SPNS1: variants seen among roughly 807,000 people sequenced by gnomAD.
The protein encoded by SPNS1 is SPNS lysolipid transporter 1, lysophospholipid.
SPNS1 carries 22 observed loss-of-function variants against 50.3 expected under a neutral mutation model. The observed-to-expected ratio is 0.44, with a 90% CI of 0.31 to 0.62. The LOEUF is 0.62. SPNS1 is among the 20% of genes least tolerant of loss of function. The probability of loss-of-function intolerance (pLI) is 0.07; values close to 1 mark genes in which losing one functional copy is unlikely to be tolerated. For missense variants in SPNS1, 576 were observed against 728.6 expected, an observed-to-expected ratio of 0.79 and a Z score of 2.41; for synonymous variants, 295 against 317.4, an observed-to-expected ratio of 0.93 and a Z score of 0.75.
intron 11 of SPNS1, 27 bp from the exon 12 acceptor site, chr16:28,984,178 A>T (rs761079956): frequency 1.3e-6 from 2 of 1,535,554 alleles, no homozygotes; most frequent in Non-Finnish European, 1.8e-6. Context: ...CATCCAGCTC[A>T]CCCTGGCTCT....
chr16:28,982,356 T>C lies in SPNS1; in HGVS notation c.966T>C (p.Ser322=). ...CCCCATTCCCTTCCCTCACCCCTAG[T>C]CTCATCTTTGGACTCATCACCTGCC... The part of the protein sequence containing the change: ...LPGDSCSSSD[S]LIFGLITCLT... The change falls in exon 8 of 12, where the codon AGT becomes AGC. Residue 322 remains serine (S), a splice_region_variant and synonymous_variant. Transcript: ENST00000311008. The C allele has an allele frequency of 6.3e-7, 1 of 1,578,820 alleles. No individual in the cohort carries two copies.
intron 8 of SPNS1, 39 bp from the exon 9 acceptor site, chr16:28,982,818 C>T (rs1439274545): frequency 6.2e-7 from 1 of 1,606,328 alleles, no homozygotes; most frequent in Non-Finnish European, 8.5e-7. Context: ...CATGTGTTAG[C>T]CCTTACTGTC....
At chr16:28,976,684 C>T (rs1402104956) in intron 2 of SPNS1, among the ~76,000 whole-genome samples, 1 of 152,138 alleles carries the variant, frequency 6.6e-6, no homozygotes, top group Non-Finnish European at 1.5e-5. Context: ...TTGCAGTGTT[C>T]TTTTCTCTAC....
Position 28,983,649 on chromosome 16 carries a change from G to A in SPNS1, c.1321-137G>A. The A allele has an allele frequency of 9.7e-7, 1 of 1,033,402 alleles. No individual in the cohort carries two copies. Among genetic ancestry groups the A allele is most frequent in the Non-Finnish European group, 1.4e-6 (1 of 718,486 alleles). 64.0% of individuals were successfully genotyped at this position (1,033,402 alleles called of 1,614,324 possible). A position where few individuals can be genotyped will look rare whatever the true frequency, so the allele number is the denominator to read the frequency against. The stretch of plus-strand genomic sequence containing the variant: ...CCTGAGTAGCTGGGATGATAGGCAT[G>A]AGCCACTGCATCTAGCTCAAACCTC... On this transcript the variant is annotated intron_variant, in intron 10 of 11. Transcript: ENST00000311008. This position sits in a 1 kb window ranked among gnomAD's most constrained non-coding sequence, Gnocchi z 5.4.
At chr16:28,976,952 A>G (rs1414059433) in intron 2 of SPNS1, among the ~76,000 whole-genome samples, 1 of 152,234 alleles carries the variant, frequency 6.6e-6, no homozygotes, top group Non-Finnish European at 1.5e-5. Context: ...ATAGTACGCT[A>G]TGCATGAGGC....
chr16:28,984,439 G>C lies in SPNS1; in HGVS notation c.*140G>C, dbSNP rs1469965591. 3 of 828,594 alleles carry C rather than the reference G, an allele frequency of 3.6e-6. No individual in the cohort carries two copies. In the Admixed American group the frequency reaches 6.0e-5, roughly 17 times the overall value. 51.3% of individuals were successfully genotyped at this position (828,594 alleles called of 1,614,324 possible). A position where few individuals can be genotyped will look rare whatever the true frequency, so the allele number is the denominator to read the frequency against. On this transcript the variant is annotated 3_prime_UTR_variant, in exon 12 of 12. Transcript: ENST00000311008. ...TGTGCCAGCTCCCAGACACTACCTG[G>C]GTAGCTCAGGGGAGGAGGTGGGGGT...
At chr16:28,979,110 T>G in intron 3 of SPNS1, 45 bp from the exon 4 acceptor site, 1 of 1,594,094 alleles carries the variant, frequency 6.3e-7, no homozygotes, top group South Asian at 1.1e-5. Flanking sequence ...GCCCGGAGGC[T>G]GGTTGCAGGC....
intron 1 of SPNS1, 42 bp downstream of exon 1, chr16:28,975,434 G>C: frequency 6.2e-7 from 1 of 1,614,250 alleles, no homozygotes. Flanking sequence ...TAGGAGAGGG[G>C]AGCCAGGGTC....
intron 3 of SPNS1, chr16:28,978,859 G>T: frequency 2.9e-6 from 1 of 346,800 alleles, no homozygotes; most frequent in Non-Finnish European, 5.2e-6. Flanking sequence ...CCCCTACCAG[G>T]CAAGCAGGGG....
chr16:28,979,362 C>G, intron 4 of SPNS1, 43 bp from the exon 5 acceptor site: 1 of 1,613,798 alleles, frequency 6.2e-7, no homozygotes, highest in Non-Finnish European at 8.5e-7. Flanking sequence ...GGGGACTGGA[C>G]TGACTGGCTG....
In SPNS1 at chr16:28,984,316, T is replaced by C. The variant is rs765914772; in HGVS notation, c.*17T>C. 10 of 1,608,904 alleles carry C rather than the reference T, an allele frequency of 6.2e-6. No homozygotes were observed. Among genetic ancestry groups the C allele is most frequent in the Non-Finnish European group, 6.8e-6 (8 of 1,178,646 alleles). ...CTCATCTGAGAGGCTGCCGCTCACC[T>C]ACCTGCACATCTGCCACAGCTGGCC... On this transcript the variant is annotated 3_prime_UTR_variant, in exon 12 of 12. Coordinates refer to ENST00000311008, the MANE Select transcript of SPNS1 (RefSeq NM_032038.3).
At position 28,983,768 on chromosome 16, in the gene SPNS1, T is replaced by C. The variant is rs747058489; in HGVS notation, c.1321-18T>C. On this transcript the variant is annotated intron_variant, in intron 10 of 11. Coordinates refer to ENST00000311008, the MANE Select transcript of SPNS1 (RefSeq NM_032038.3). The surrounding 1 kb of genome is among the most constrained non-coding windows in gnomAD (Gnocchi z 5.4). Reference sequence around the variant, plus strand: ...ATGAGGCTGACTCCCCTGGCTTTCCTGTCTCCTCTCCCTGCAGATCTCTGA... The same window carrying C: ...ATGAGGCTGACTCCCCTGGCTTTCCCGTCTCCTCTCCCTGCAGATCTCTGA... 2 of 1,561,268 alleles carry C rather than the reference T, an allele frequency of 1.3e-6. No homozygotes were observed. The highest frequency in any genetic ancestry group is 4.5e-5 in the East Asian group (2 of 44,112).
chr16:28,984,197 C>A lies in SPNS1; in HGVS notation c.1493-8C>A. On this transcript the variant is annotated splice_polypyrimidine_tract_variant and splice_region_variant and intron_variant, in intron 11 of 11. Transcript: ENST00000311008. ...CAGCTCACCCTGGCTCTGACCCTCC[C>A]CCCTCAGGCCTGCTGCACGAAGCAG... 2.6e-6 allele frequency: 4 copies of A among 1,554,848 alleles called. No homozygotes were observed. The South Asian group carries it at 3.6e-5, about 14-fold the overall frequency.
In SPNS1 at chr16:28,979,087, G is replaced by A; in HGVS notation, c.445-68G>A. The A allele has an allele frequency of 7.0e-6, 11 of 1,567,012 alleles. No homozygotes were observed. In the South Asian group the frequency reaches 1.3e-4, roughly 19 times the overall value. The stretch of plus-strand genomic sequence containing the variant: ...CCATCCCTGCTGCCTCTTGGGAGCG[G>A]GCTGGTGAGGTAGCCCGGAGGCTGG... On this transcript the variant is annotated intron_variant, in intron 3 of 11. Transcript: ENST00000311008.
At chr16:28,984,628 T>C, downstream of SPNS1, 1 of 613,050 alleles carries the variant, frequency 1.6e-6, no homozygotes, top group Non-Finnish European at 2.9e-6. Context: ...AGACTGTGGG[T>C]CATTCCTCAG....
intron 2 of SPNS1, among the ~76,000 whole-genome samples, chr16:28,976,381 C>T (rs1965344750): frequency 6.6e-6 from 1 of 152,124 alleles, no homozygotes; most frequent in East Asian, 1.9e-4. Context: ...TAGAGCCAAG[C>T]CCTTTTTCTT....
chr16:28,975,083 A>C lies in SPNS1; in HGVS notation c.-69A>C, dbSNP rs1965287094. ...GTGTTCGGTCCATCCTCCTTTCTCCAGCCTCCTCCCCTCGCAGGTGGGATC... is the reference window on the plus strand; with the variant it reads ...GTGTTCGGTCCATCCTCCTTTCTCCCGCCTCCTCCCCTCGCAGGTGGGATC... On this transcript the variant is annotated 5_prime_UTR_variant, in exon 1 of 12. Transcript: ENST00000311008. 7.0e-7 allele frequency: 1 copy of C among 1,438,422 alleles called. No individual in the cohort carries two copies. The highest frequency in any genetic ancestry group is 2.5e-5 in the East Asian group (1 of 39,466). 89.1% of individuals were successfully genotyped at this position (1,438,422 alleles called of 1,614,324 possible). A position where few individuals can be genotyped will look rare whatever the true frequency, so the allele number is the denominator to read the frequency against.
At chr16:28,978,876 T>G in intron 3 of SPNS1, 1 of 423,884 alleles carries the variant, frequency 2.4e-6, no homozygotes, top group South Asian at 3.8e-5. Context: ...GGGGTTGTCT[T>G]ATTTAGACCT....
chr16:28,979,770 C>G (rs1300249354), intron 5 of SPNS1: 6 of 332,400 alleles, frequency 1.8e-5, no homozygotes, highest in Non-Finnish European at 3.5e-5. Flanking sequence ...ACACCTGTAT[C>G]CCAGCATTTT....
Sources: gnomAD v4.1 joint callset for allele counts (sites outside exome capture counted in the v4.1 genomes callset) on GRCh38, gnomAD v4.1.1 for gene constraint, Gnocchi (gnomAD v3.1) non-coding constraint, MANE v1.5 for transcripts, NCBI Gene and HGNC (gene_info 2026-07-23, HGNC 2026-07-21) for gene names.